NRG1: variants seen among roughly 807,000 people sequenced by gnomAD.
NRG1 encodes the protein pro-neuregulin-1, membrane-bound isoform.
A neutral mutation model predicts 63.8 loss-of-function variants in NRG1; 18 were observed. The observed-to-expected ratio is 0.28, with a 90% CI of 0.19 to 0.42. The LOEUF is 0.42. Among genes scored for constraint, NRG1 ranks in the 10% least tolerant of loss-of-function variants. The probability of loss-of-function intolerance (pLI) is 1.00; values close to 1 mark genes in which losing one functional copy is unlikely to be tolerated. For missense variants in NRG1, 762 were observed against 814.7 expected (o/e 0.94, Z 0.79); for synonymous variants, 302 against 301.3 (o/e 1.00, Z -0.02).
intron 1 of NRG1, among the ~76,000 whole-genome samples, chr8:32,367,026 T>G (rs2129482447): frequency 6.6e-6 from 1 of 152,180 alleles, no homozygotes; most frequent in South Asian, 2.1e-4. Flanking sequence ...ATTTTCTTTA[T>G]CCATTCATCC....
chr8:32,421,040 C>T (rs1322891640), intron 1 of NRG1, among the ~76,000 whole-genome samples: 2 of 152,136 alleles, frequency 1.3e-5, no homozygotes, highest in Non-Finnish European at 2.9e-5. Flanking sequence ...CCTAAGGCCT[C>T]CCCAGCAGTG....
intron 5 of NRG1, among the ~76,000 whole-genome samples, chr8:32,685,122 TA>T (rs916356757): frequency 2.6e-5 from 4 of 152,178 alleles, no homozygotes; most frequent in Non-Finnish European, 5.9e-5. Flanking sequence ...ATGTGACTAT[TA>T]AAAAAAATTT....
At chr8:31,821,632 T>C (rs901960812) in intron 1 of NRG1, among the ~76,000 whole-genome samples, 6 of 152,194 alleles carry the variant, frequency 3.9e-5, no homozygotes, top group Non-Finnish European at 8.8e-5. Flanking sequence ...GTTTCCTTTA[T>C]TTAATATTTG....
intron 1 of NRG1, among the ~76,000 whole-genome samples, chr8:32,193,528 G>T (rs1466653310): frequency 2.0e-5 from 3 of 152,096 alleles, no homozygotes; most frequent in African/African-American, 4.8e-5. Context: ...GCAACCGAGG[G>T]CTTGTATTCA....
At chr8:32,065,067 T>A (rs1824526281) in intron 1 of NRG1, among the ~76,000 whole-genome samples, 1 of 151,908 alleles carries the variant, frequency 6.6e-6, no homozygotes. Context: ...TTCTTATATT[T>A]AAAAAATATG....
At chr8:32,372,924 A>C (rs1809107912) in intron 1 of NRG1, among the ~76,000 whole-genome samples, 1 of 152,228 alleles carries the variant, frequency 6.6e-6, no homozygotes, top group Non-Finnish European at 1.5e-5. Flanking sequence ...GGCGAGTGAC[A>C]GCATGTGTCG....
At chr8:32,168,586 G>A (rs1011017092) in intron 1 of NRG1, among the ~76,000 whole-genome samples, 1 of 152,126 alleles carries the variant, frequency 6.6e-6, no homozygotes, top group Non-Finnish European at 1.5e-5. Context: ...GTGACTGGGG[G>A]GCCTTCTACA....
At chr8:32,215,519 A>C (rs1012013772) in intron 1 of NRG1, among the ~76,000 whole-genome samples, 1 of 152,096 alleles carries the variant, frequency 6.6e-6, no homozygotes, top group African/African-American at 2.4e-5. Flanking sequence ...ATCCTCACAC[A>C]CTTATGAGGA....
intron 5 of NRG1, among the ~76,000 whole-genome samples, chr8:32,697,112 C>T (rs1046399442): frequency 2.6e-5 from 4 of 152,158 alleles, no homozygotes; most frequent in Non-Finnish European, 5.9e-5. Context: ...TCACATTAAA[C>T]ATTAGAACTT....
At chr8:32,595,332 G>A (rs1401117254) in intron 1 of NRG1, among the ~76,000 whole-genome samples, 1 of 152,000 alleles carries the variant, frequency 6.6e-6, no homozygotes, top group Non-Finnish European at 1.5e-5. Flanking sequence ...CGGGACTACA[G>A]GCACATGCCA....
chr8:32,166,807 A>T (rs1428021836), intron 1 of NRG1, among the ~76,000 whole-genome samples: 2 of 152,216 alleles, frequency 1.3e-5, no homozygotes, highest in Admixed American at 1.3e-4. Flanking sequence ...CTTAACTGGC[A>T]TTAAAATCAT....
At chr8:32,677,407 A>G (rs1807415295) in intron 5 of NRG1, among the ~76,000 whole-genome samples, 1 of 152,180 alleles carries the variant, frequency 6.6e-6, no homozygotes, top group South Asian at 2.1e-4. Context: ...CTGTAATCCC[A>G]GCACTTTGGG....
intron 1 of NRG1, among the ~76,000 whole-genome samples, chr8:32,243,667 C>A (rs1848340446): frequency 6.6e-6 from 1 of 152,020 alleles, no homozygotes; most frequent in South Asian, 2.1e-4. Flanking sequence ...ATGCTGTGGA[C>A]TAAACTTTTG....
At chr8:32,172,496 G>A (rs1840183843) in intron 1 of NRG1, among the ~76,000 whole-genome samples, 1 of 152,030 alleles carries the variant, frequency 6.6e-6, no homozygotes, top group African/African-American at 2.4e-5. Context: ...GCTGGATGGA[G>A]TATGACTTTG....
intron 1 of NRG1, among the ~76,000 whole-genome samples, chr8:31,658,436 C>A (rs890188158): frequency 6.6e-6 from 1 of 152,078 alleles, no homozygotes; most frequent in Admixed American, 6.6e-5. Flanking sequence ...TCATGTCTGT[C>A]GAGCACTTAG....
chr8:32,415,917 T>G (rs1815845766), intron 1 of NRG1, among the ~76,000 whole-genome samples: 2 of 152,238 alleles, frequency 1.3e-5, no homozygotes, highest in African/African-American at 4.8e-5. Flanking sequence ...GTTTCATCTG[T>G]GCAGATTGCT....
chr8:32,023,684 A>G (rs1046950681), intron 1 of NRG1, among the ~76,000 whole-genome samples: 2 of 152,144 alleles, frequency 1.3e-5, no homozygotes, highest in Non-Finnish European at 2.9e-5. Context: ...TGGTCCTGAG[A>G]TTTCAAAAAC....
intron 1 of NRG1, among the ~76,000 whole-genome samples, chr8:31,831,571 T>G (rs1825166924): frequency 6.6e-6 from 1 of 152,222 alleles, no homozygotes; most frequent in South Asian, 2.1e-4. Flanking sequence ...AGTCATACCA[T>G]GTGAAACCTG....
intron 1 of NRG1, among the ~76,000 whole-genome samples, chr8:31,951,539 C>A (rs1330550464): frequency 5.9e-5 from 9 of 152,360 alleles, no homozygotes; most frequent in African/African-American, 2.2e-4. Context: ...CTCAGAAGAA[C>A]TGTTCTCTTC....
Sources: gnomAD v4.1 joint callset for allele counts (sites outside exome capture counted in the v4.1 genomes callset) on GRCh38, gnomAD v4.1.1 for gene constraint, MANE v1.5 for transcripts, NCBI Gene and HGNC (gene_info 2026-07-23, HGNC 2026-07-21) for gene names.